ATP11C: variants seen among roughly 807,000 people sequenced by gnomAD.
ATP11C encodes the protein phospholipid-transporting ATPase IG.
ATP11C carries 36 observed loss-of-function variants against 97.4 expected under a neutral mutation model. The ratio of observed to expected loss-of-function variants is 0.37; its 90% CI spans 0.28 to 0.49. The LOEUF (loss-of-function observed/expected upper bound fraction) is 0.49, where lower values mean the gene tolerates loss of function less well. Among genes scored for constraint, ATP11C ranks in the 20% least tolerant of loss-of-function variants. The pLI, the probability that ATP11C is intolerant of heterozygous loss-of-function variation, is 0.98. For missense variants in ATP11C, 730 were observed against 824.6 expected, an observed-to-expected ratio of 0.89 and a Z score of 1.40; for synonymous variants, 275 against 290.9, an observed-to-expected ratio of 0.95 and a Z score of 0.56.
chrX:139,852,997 C>T (rs748445966), intron 1 of ATP11C, among the ~76,000 whole-genome samples: 6 of 111,298 alleles, frequency 5.4e-5, no homozygotes, highest in African/African-American at 1.3e-4. Context: ...GGCAAGACAT[C>T]CCTGGTGTGA....
intron 1 of ATP11C, among the ~76,000 whole-genome samples, chrX:139,919,502 ATTT>A (rs1266122113): frequency 9.3e-6 from 1 of 108,099 alleles, no homozygotes; most frequent in African/African-American, 3.4e-5. Flanking sequence ...CAAACTACTT[ATTT>A]AAGTGAGGAA....
chrX:139,882,593 T>G (rs940111915), intron 1 of ATP11C, among the ~76,000 whole-genome samples: 1 of 111,338 alleles, frequency 9.0e-6, no homozygotes, highest in African/African-American at 3.3e-5. Flanking sequence ...CTGAATCTTC[T>G]TTAGACTGCA....
At chrX:139,740,210 A>G (rs936687905) in intron 27 of ATP11C, among the ~76,000 whole-genome samples, 2 of 111,618 alleles carry the variant, frequency 1.8e-5, no homozygotes, top group African/African-American at 6.5e-5. Context: ...GAAGCCATTC[A>G]CTAAAAAAAA....
At chrX:139,890,717 G>A (rs775684860) in intron 1 of ATP11C, among the ~76,000 whole-genome samples, 3 of 112,497 alleles carry the variant, frequency 2.7e-5, no homozygotes, top group African/African-American at 9.7e-5. Context: ...AAGACATAAA[G>A]ATAACCTGGA....
intron 1 of ATP11C, among the ~76,000 whole-genome samples, chrX:139,856,554 G>T (rs2147974088): frequency 8.9e-6 from 1 of 112,285 alleles, no homozygotes; most frequent in Admixed American, 9.4e-5. Flanking sequence ...TTTCACCCTG[G>T]CATTTCATCA....
chrX:139,925,505 T>C (rs1216059518), intron 1 of ATP11C, among the ~76,000 whole-genome samples: 2 of 27,296 alleles, frequency 7.3e-5, no homozygotes, highest in Non-Finnish European at 1.9e-4. Flanking sequence ...CTTCCTAAAC[T>C]GATCATTCTT....
At chrX:139,903,064 T>C (rs773714254) in intron 1 of ATP11C, among the ~76,000 whole-genome samples, 1 of 111,883 alleles carries the variant, frequency 8.9e-6, no homozygotes, top group Admixed American at 9.5e-5. Context: ...CTGACAAGAT[T>C]GAGAAGAAAC....
At chrX:139,816,564 C>T (rs1014698061) in intron 4 of ATP11C, among the ~76,000 whole-genome samples, 3 of 111,859 alleles carry the variant, frequency 2.7e-5, no homozygotes, top group African/African-American at 9.8e-5. Flanking sequence ...CACAGACATA[C>T]CACGCTGAAA....
chrX:139,808,453 G>T (rs1385031470), intron 5 of ATP11C, among the ~76,000 whole-genome samples: 2 of 111,428 alleles, frequency 1.8e-5, no homozygotes, highest in African/African-American at 6.5e-5. Context: ...GCTGAAAACT[G>T]AAAATAGAAA....
At chrX:139,874,747 G>A (rs1680572513) in intron 1 of ATP11C, among the ~76,000 whole-genome samples, 1 of 112,097 alleles carries the variant, frequency 8.9e-6, no homozygotes, top group Admixed American at 9.4e-5. Context: ...CTCCGGAGGT[G>A]AGGCTTAGAA....
chrX:139,764,005 G>C (rs1206771733), intron 20 of ATP11C, among the ~76,000 whole-genome samples: 1 of 111,982 alleles, frequency 8.9e-6, no homozygotes, highest in Non-Finnish European at 1.9e-5. Context: ...ATCAGATGTT[G>C]AATGTGTGAC....
chrX:139,933,502 C>G (rs771170676), upstream of ATP11C, among the ~76,000 whole-genome samples: 1 of 112,799 alleles, frequency 8.9e-6, no homozygotes, highest in South Asian at 3.6e-4. Context: ...AGAATTGCCA[C>G]GAGGCTGGGC....
chrX:139,744,447 C>T (rs780630511), intron 25 of ATP11C, among the ~76,000 whole-genome samples: 65 of 111,632 alleles, frequency 5.8e-4, no homozygotes, highest in Non-Finnish European at 9.0e-4. Flanking sequence ...ATTAAACAGA[C>T]GCTGAATTGA....
rs149104391 is a variant in ATP11C, at chrX:139,738,833, G to C, written c.3135-764C>G. Among the ~76,000 whole-genome samples, 429 of 110,390 alleles carry C rather than the reference G, an allele frequency of 3.9e-3. 2 individuals are homozygous for C. The highest frequency in any genetic ancestry group is 0.013 in the African/African-American group (402 of 30,401). ...GCTATTGTTCTTTGAAGGTGAGGGG[G>C]AAGAAGTGGTTGCTTAAAGACAGGA... is the stretch of plus-strand genomic sequence containing the variant. On this transcript the variant is annotated intron_variant, in intron 27 of 29. Coordinates refer to ENST00000682941, the MANE Select transcript of ATP11C (RefSeq NM_001353812.2).
At chrX:139,839,521 G>A (rs2083796251) in intron 1 of ATP11C, among the ~76,000 whole-genome samples, 2 of 111,407 alleles carry the variant, frequency 1.8e-5, no homozygotes, top group African/African-American at 6.5e-5. Flanking sequence ...AGGGTGATGA[G>A]TAAAAAAGAC....
At chrX:139,894,369 C>T (rs1467423408) in intron 1 of ATP11C, among the ~76,000 whole-genome samples, 2 of 112,104 alleles carry the variant, frequency 1.8e-5, no homozygotes, top group African/African-American at 6.5e-5. Flanking sequence ...CTTTTCACTA[C>T]TTACGAATAC....
intron 1 of ATP11C, chrX:139,885,673 G>A (rs745924316): frequency 1.8e-5 from 2 of 111,667 alleles, no homozygotes; most frequent in African/African-American, 3.2e-5. Flanking sequence ...AGAATAGTTC[G>A]GCATTCATAC....
At chrX:139,734,974 G>A (rs1395140457) in intron 28 of ATP11C, among the ~76,000 whole-genome samples, 1 of 111,556 alleles carries the variant, frequency 9.0e-6, no homozygotes, top group Non-Finnish European at 1.9e-5. Context: ...TCAGGAGGTA[G>A]TGACTTGAAA....
chrX:139,858,478 CAT>C (rs1237768198), intron 1 of ATP11C, among the ~76,000 whole-genome samples: 6 of 111,973 alleles, frequency 5.4e-5, no homozygotes, highest in African/African-American at 3.2e-5. Flanking sequence ...TCCTAATCCA[CAT>C]GTGTGGCTTT....
Sources: gnomAD v4.1 joint callset for allele counts (sites outside exome capture counted in the v4.1 genomes callset) on GRCh38, gnomAD v4.1.1 for gene constraint, MANE v1.5 for transcripts, NCBI Gene and HGNC (gene_info 2026-07-23, HGNC 2026-07-21) for gene names.